Variants in PDE4D observed in about 807,000 individuals in gnomAD.
PDE4D encodes the protein phosphodiesterase 4D, also known as 3',5'-cyclic-AMP phosphodiesterase 4D.
Under a neutral mutation model 87.4 loss-of-function variants are expected in PDE4D, and 24 were observed. The ratio of observed to expected loss-of-function variants is 0.27; its 90% CI spans 0.20 to 0.39. PDE4D has a LOEUF of 0.39. Ranked by LOEUF, PDE4D falls within the 10% of genes least tolerant of loss-of-function variation. The pLI is 1.00. For missense variants in PDE4D, 714 were observed against 1,041.0 expected, an observed-to-expected ratio of 0.69 and a Z score of 4.32; for synonymous variants, 384 against 383.2, an observed-to-expected ratio of 1.00 and a Z score of -0.02.
chr5:59,698,706 A>T (rs961373062), intron 1 of PDE4D, among the ~76,000 whole-genome samples: 1 of 152,140 alleles, frequency 6.6e-6, no homozygotes, highest in Non-Finnish European at 1.5e-5. Flanking sequence ...TTCAAAAGAA[A>T]ACCATAATTA....
At chr5:60,256,616 T>G (rs967302710) in intron 1 of PDE4D, among the ~76,000 whole-genome samples, 4 of 151,836 alleles carry the variant, frequency 2.6e-5, no homozygotes, top group African/African-American at 9.6e-5. Context: ...CTGGAAAACA[T>G]AAAGAATGTA....
intron 1 of PDE4D, among the ~76,000 whole-genome samples, chr5:60,187,197 A>G (rs1467899292): frequency 1.3e-5 from 2 of 152,194 alleles, no homozygotes; most frequent in Non-Finnish European, 2.9e-5. Flanking sequence ...CTGAGTGTGT[A>G]TGGATTTTTT....
At chr5:59,690,657 A>G (rs146347799) in intron 1 of PDE4D, among the ~76,000 whole-genome samples, 2,087 of 152,192 alleles carry the variant, frequency 0.014, 49 homozygotes, top group African/African-American at 0.048. Flanking sequence ...ACATAGGCAC[A>G]GGCAAGGACT....
intron 1 of PDE4D, among the ~76,000 whole-genome samples, chr5:60,360,353 G>GA (rs1220407128): frequency 6.6e-6 from 1 of 152,172 alleles, no homozygotes; most frequent in African/African-American, 2.4e-5. Context: ...ATTAATCTGA[G>GA]AAAATCATCA....
intron 1 of PDE4D, among the ~76,000 whole-genome samples, chr5:59,732,174 AT>A (rs1285737461): frequency 6.6e-6 from 1 of 151,996 alleles, no homozygotes; most frequent in African/African-American, 2.4e-5. Context: ...ATATCTAACC[AT>A]TTCCTATAGT....
intron 1 of PDE4D, among the ~76,000 whole-genome samples, chr5:59,889,434 T>C (rs1750637370): frequency 6.6e-6 from 1 of 151,300 alleles, no homozygotes; most frequent in Non-Finnish European, 1.5e-5. Context: ...TGAGCTATGA[T>C]TGTGCCACTG....
rs181622181 is a variant in PDE4D, at chr5:60,438,991, G to C, written c.-90+48951C>G. On this transcript the variant is annotated intron_variant, in intron 1 of 16. Coordinates refer to the PDE4D transcript ENST00000502484. ...ATACTTGCACAAGCATGCACTGTTGGAGATAGGAAAAGGTTGAGACAACCT... is the reference window on the plus strand; with the variant it reads ...ATACTTGCACAAGCATGCACTGTTGCAGATAGGAAAAGGTTGAGACAACCT... Among the ~76,000 whole-genome samples, 264 of 152,166 alleles carry C rather than the reference G, an allele frequency of 1.7e-3. 1 individual carries two copies. Among genetic ancestry groups the C allele is most frequent in the African/African-American group, 6.1e-3 (255 of 41,522 alleles).
chr5:59,504,480 T>C (rs995836646), intron 1 of PDE4D, among the ~76,000 whole-genome samples: 4 of 152,164 alleles, frequency 2.6e-5, no homozygotes, highest in Non-Finnish European at 5.9e-5. Context: ...TTAAAAAAGT[T>C]ACCCTAGTTC....
At chr5:60,513,323 T>C (rs960577306) in intron 1 of PDE4D, among the ~76,000 whole-genome samples, 2 of 152,114 alleles carry the variant, frequency 1.3e-5, no homozygotes, top group Admixed American at 6.5e-5. Flanking sequence ...ACAAAGTAGA[T>C]TTTAAGACAA....
chr5:59,047,867 A>G (rs2153401440), intron 5 of PDE4D, among the ~76,000 whole-genome samples: 1 of 152,310 alleles, frequency 6.6e-6, no homozygotes, highest in Admixed American at 6.5e-5. Flanking sequence ...TCTTTCTACC[A>G]TGTGGATACA....
At chr5:60,130,301 T>C (rs1779455281) in intron 2 of PDE4D, among the ~76,000 whole-genome samples, 1 of 152,168 alleles carries the variant, frequency 6.6e-6, no homozygotes, top group Admixed American at 6.5e-5. Context: ...GTTCCTATTC[T>C]AGAGATTACC....
intron 3 of PDE4D, among the ~76,000 whole-genome samples, chr5:59,942,310 C>T (rs1318223568): frequency 6.6e-6 from 1 of 152,224 alleles, no homozygotes; most frequent in Non-Finnish European, 1.5e-5. Context: ...TCTTCTCTCT[C>T]TGTATTTCTG....
intron 1 of PDE4D, among the ~76,000 whole-genome samples, chr5:60,349,444 C>A (rs1002478145): frequency 1.3e-5 from 2 of 152,050 alleles, no homozygotes; most frequent in African/African-American, 4.8e-5. Flanking sequence ...TTTTATTTTC[C>A]TTTTTCCTAT....
chr5:59,774,747 G>T (rs927340483), intron 1 of PDE4D, among the ~76,000 whole-genome samples: 1 of 149,404 alleles, frequency 6.7e-6, no homozygotes, highest in Non-Finnish European at 1.5e-5. Context: ...GAGTGCAGTG[G>T]TGCCATCTCA....
intron 1 of PDE4D, among the ~76,000 whole-genome samples, chr5:60,231,773 G>A (rs933314118): frequency 1.3e-5 from 2 of 151,976 alleles, no homozygotes; most frequent in South Asian, 2.1e-4. Flanking sequence ...CAAATTCTTC[G>A]TCTTGAGCTC....
intron 1 of PDE4D, among the ~76,000 whole-genome samples, chr5:59,795,099 A>G (rs1766309804): frequency 3.3e-5 from 5 of 152,216 alleles, no homozygotes; most frequent in Admixed American, 3.3e-4. Flanking sequence ...AGGCTTGGCC[A>G]TGTATTTTCT....
Position 58,974,606 on chromosome 5 carries a change from C to T in PDE4D, c.*58G>A, listed in dbSNP as rs963578789. 244 of 1,469,290 alleles carry T rather than the reference C, an allele frequency of 1.7e-4. No individual in the cohort carries two copies. Among genetic ancestry groups the T allele is most frequent in the Non-Finnish European group, 2.0e-4 (220 of 1,093,828 alleles). The allele number at this position is 1,469,290 out of a possible 1,614,324, so 91.0% of individuals were successfully genotyped here. A position where few individuals can be genotyped will look rare whatever the true frequency, so the allele number is the denominator to read the frequency against. ...GACCGTGGTTGTGGCATGTGACATG[C>T]ACTTTGGAAACAATTTTTCTACTTA... is the stretch of plus-strand genomic sequence containing the variant. On this transcript the variant is annotated 3_prime_UTR_variant, in exon 15 of 15. Transcript: ENST00000340635.
intron 5 of PDE4D, among the ~76,000 whole-genome samples, chr5:59,068,177 T>C (rs1764212073): frequency 6.6e-6 from 1 of 152,198 alleles, no homozygotes. Flanking sequence ...TCATTGTTCA[T>C]AAGTAAAGCT....
chr5:60,516,647 A>C (rs1162245447), intron 1 of PDE4D, among the ~76,000 whole-genome samples: 1 of 152,240 alleles, frequency 6.6e-6, no homozygotes, highest in Non-Finnish European at 1.5e-5. Context: ...AAAAGATTCA[A>C]ATTATAGCAA....
Sources: gnomAD v4.1 joint callset for allele counts (sites outside exome capture counted in the v4.1 genomes callset) on GRCh38, gnomAD v4.1.1 for gene constraint, MANE v1.5 for transcripts, NCBI Gene and HGNC (gene_info 2026-07-23, HGNC 2026-07-21) for gene names.